TRPV1: variants seen among roughly 807,000 people sequenced by gnomAD.
TRPV1 encodes the protein transient receptor potential cation channel subfamily V member 1, also known as OTRPC1.
TRPV1 carries 82 observed loss-of-function variants against 82.3 expected under a neutral mutation model. The ratio of observed to expected loss-of-function variants is 1.00; its 90% CI spans 0.83 to 1.20. The LOEUF (loss-of-function observed/expected upper bound fraction) is 1.20, where lower values mean the gene tolerates loss of function less well. TRPV1 is among the 50% of genes most tolerant of loss of function. TRPV1 has a pLI of 0.00. For synonymous variants in TRPV1, 515 were observed against 467.7 expected, an observed-to-expected ratio of 1.10 and a Z score of -1.30; for missense variants, 1,067 against 1,096.8, an observed-to-expected ratio of 0.97 and a Z score of 0.38.
chr17:3,593,035 T>G (rs1597546910), intron 2 of TRPV1, among the ~76,000 whole-genome samples: 1 of 152,272 alleles, frequency 6.6e-6, no homozygotes, highest in East Asian at 1.9e-4. Flanking sequence ...TTTTGTCATT[T>G]TTATGAATCA....
chr17:3,593,409 A>G (rs888813850), intron 2 of TRPV1, among the ~76,000 whole-genome samples: 4 of 152,160 alleles, frequency 2.6e-5, no homozygotes, highest in African/African-American at 9.7e-5. Context: ...AGTTGGACAC[A>G]TGAGCTGATG....
At chr17:3,570,839 G>A (rs538376836) in intron 16 of TRPV1, among the ~76,000 whole-genome samples, 5 of 151,948 alleles carry the variant, frequency 3.3e-5, no homozygotes, top group South Asian at 2.1e-4. Context: ...TCAGCCTCCC[G>A]AGTAGCTGGG....
chr17:3,584,308 C>T (rs1240042253), intron 9 of TRPV1, among the ~76,000 whole-genome samples: 1 of 147,228 alleles, frequency 6.8e-6, no homozygotes, highest in Non-Finnish European at 1.5e-5. Context: ...GAGGCTGAGG[C>T]AGGAGAATGG....
intron 2 of TRPV1, among the ~76,000 whole-genome samples, chr17:3,604,410 C>T (rs1366304729): frequency 6.6e-6 from 1 of 151,962 alleles, no homozygotes; most frequent in Non-Finnish European, 1.5e-5. Context: ...CCAGCCTGGC[C>T]AACATGGTGA....
intron 16 of TRPV1, among the ~76,000 whole-genome samples, chr17:3,567,407 A>G (rs1331573447): frequency 1.3e-5 from 2 of 150,940 alleles, no homozygotes; most frequent in African/African-American, 4.9e-5. Flanking sequence ...AGAAGAAGAA[A>G]GAAAGAAAGA....
In TRPV1 at chr17:3,591,283, A is replaced by G. The variant is rs756024670; in HGVS notation, c.355T>C (p.Phe119Leu). ...TLRLYDRRSI[F>L]EAVAQNNCQD... ...CAGTTATTCTGAGCAACGGCTTCAA[A>G]GATACTCCTGCGATCATAGAGCCTG... The change falls in exon 4 of 17, where the codon TTT becomes CTT. Residue 119 changes from phenylalanine to leucine, a missense_variant. Physicochemically the swap from Phe to Leu is conservative, Grantham distance 22. Coordinates refer to ENST00000572705, the MANE Select transcript of TRPV1 (RefSeq NM_080704.4). 1.9e-6 allele frequency: 3 copies of G among 1,613,078 alleles called. No individual in the cohort carries two copies. Among genetic ancestry groups the G allele is most frequent in the East Asian group, 4.5e-5 (2 of 44,832 alleles).
intron 16 of TRPV1, among the ~76,000 whole-genome samples, chr17:3,568,527 A>T (rs1354777803): frequency 3.3e-5 from 5 of 152,032 alleles, no homozygotes; most frequent in Non-Finnish European, 7.4e-5. Context: ...AACCAATGGA[A>T]CCCTCGAGCA....
intron 16 of TRPV1, 116 bp downstream of exon 16, chr17:3,571,408 C>T (rs1192386695): frequency 3.9e-6 from 3 of 772,222 alleles, no homozygotes; most frequent in Admixed American, 2.5e-5. Context: ...TGCCACAGCG[C>T]CCGGGTCCTG....
At chr17:3,607,619 C>G (rs1231204484) in intron 2 of TRPV1, among the ~76,000 whole-genome samples, 1 of 151,046 alleles carries the variant, frequency 6.6e-6, no homozygotes, top group Non-Finnish European at 1.5e-5. Context: ...TCACTGCAAC[C>G]TCTGCTTCCA....
Position 3,569,519 on chromosome 17 carries a change from G to A in TRPV1, c.2347+2005C>T, listed in dbSNP as rs190803713. The stretch of plus-strand genomic sequence containing the variant: ...TGATCTCCCTAACTTTCTGCCTAGG[G>A]ACATTTCCCCAACTACAACGCGGTG... On this transcript the variant is annotated intron_variant, in intron 16 of 16. Coordinates refer to ENST00000572705, the MANE Select transcript of TRPV1 (RefSeq NM_080704.4). Among the ~76,000 whole-genome samples the A allele has an allele frequency of 1.3e-4, 20 of 152,336 alleles. No individual in the cohort carries two copies. In the East Asian group the frequency reaches 3.9e-3, roughly 29 times the overall value.
At chr17:3,568,276 T>C (rs577182080) in intron 16 of TRPV1, among the ~76,000 whole-genome samples, 259 of 147,286 alleles carry the variant, frequency 1.8e-3, no homozygotes, top group Middle Eastern at 0.014. Flanking sequence ...GAGCCAAGAT[T>C]GCGCCACTGC....
intron 11 of TRPV1, 54 bp from the exon 12 acceptor site, chr17:3,577,817 C>A: frequency 6.5e-7 from 1 of 1,530,236 alleles, no homozygotes; most frequent in Non-Finnish European, 8.9e-7. Context: ...AGGCCTGGCA[C>A]CCCCAGAACA....
chr17:3,571,264 C>T (rs932326321), intron 16 of TRPV1, among the ~76,000 whole-genome samples: 8 of 152,222 alleles, frequency 5.3e-5, no homozygotes, highest in Non-Finnish European at 1.0e-4. Flanking sequence ...AGGACAGGTG[C>T]CTGGGCTGGA....
chr17:3,576,797 C>T (rs2074938221), intron 13 of TRPV1, among the ~76,000 whole-genome samples: 1 of 133,448 alleles, frequency 7.5e-6, no homozygotes, highest in African/African-American at 2.9e-5. Context: ...TGCAGTGAGC[C>T]AAGGTCGTGC....
chr17:3,575,414 C>T (rs926364324), intron 13 of TRPV1, among the ~76,000 whole-genome samples: 3 of 151,804 alleles, frequency 2.0e-5, no homozygotes, highest in African/African-American at 7.3e-5. Flanking sequence ...ACCTGGGAGG[C>T]CGAGGTTGCA....
chr17:3,604,240 A>G (rs1215236332), intron 2 of TRPV1, among the ~76,000 whole-genome samples: 2 of 152,232 alleles, frequency 1.3e-5, no homozygotes, highest in Non-Finnish European at 2.9e-5. Context: ...GCTAAGGTGC[A>G]GGAGGACAGG....
Position 3,580,440 on chromosome 17 carries a change from G to C in TRPV1, c.1547+17C>G. 6.2e-7 allele frequency: 1 copy of C among 1,613,530 alleles called. No homozygotes were observed. The highest frequency in any genetic ancestry group is 8.5e-7 in the Non-Finnish European group (1 of 1,179,538). On this transcript the variant is annotated intron_variant, in intron 11 of 16. Coordinates refer to ENST00000572705, the MANE Select transcript of TRPV1 (RefSeq NM_080704.4). ...CACCTGGGGACTGGACTGGGAATGA[G>C]TCAAAGTGTCACTTACAAAAGCATC...
At chr17:3,568,239 G>A (rs969451075) in intron 16 of TRPV1, among the ~76,000 whole-genome samples, 18 of 151,156 alleles carry the variant, frequency 1.2e-4, no homozygotes, top group East Asian at 3.9e-4. Context: ...GGAGAATGGC[G>A]TGAACCCGGG....
chr17:3,568,138 T>C (rs111489775), intron 16 of TRPV1, among the ~76,000 whole-genome samples: 1,792 of 151,952 alleles, frequency 0.012, 18 homozygotes, highest in Non-Finnish European at 0.017. Flanking sequence ...CTGGCTAACA[T>C]GGTGAAACCC....
Sources: gnomAD v4.1 joint callset for allele counts (sites outside exome capture counted in the v4.1 genomes callset) on GRCh38, gnomAD v4.1.1 for gene constraint, MANE v1.5 for transcripts, NCBI Gene and HGNC (gene_info 2026-07-23, HGNC 2026-07-21) for gene names.